The following TEX26 variants were observed in gnomAD, a reference collection of about 807,000 sequenced individuals.
TEX26 encodes the protein testis expressed 26.
TEX26 carries 34 observed loss-of-function variants against 35.3 expected under a neutral mutation model. That is an observed-to-expected ratio of 0.96 (90% CI 0.73 to 1.28). The LOEUF (loss-of-function observed/expected upper bound fraction) is 1.28, where lower values mean the gene tolerates loss of function less well. Ranked by LOEUF, TEX26 falls within the 50% of genes most tolerant of loss-of-function variation. TEX26 has a pLI of 0.00. For synonymous variants in TEX26, 136 were observed against 111.8 expected, an observed-to-expected ratio of 1.22 and a Z score of -1.36; for missense variants, 371 against 330.1, an observed-to-expected ratio of 1.12 and a Z score of -0.96.
intron 1 of TEX26, among the ~76,000 whole-genome samples, chr13:30,937,779 A>C (rs1432744520): frequency 6.6e-6 from 1 of 152,208 alleles, no homozygotes; most frequent in African/African-American, 2.4e-5. Context: ...GGGGCTCTTA[A>C]GTGGAGGTAG....
At chr13:30,968,518 C>G (rs1383989363) in intron 5 of TEX26, among the ~76,000 whole-genome samples, 1 of 152,192 alleles carries the variant, frequency 6.6e-6, no homozygotes, top group Non-Finnish European at 1.5e-5. Flanking sequence ...CAACGTATAT[C>G]AAAGACGTGT....
intron 6 of TEX26, among the ~76,000 whole-genome samples, chr13:30,971,528 G>T (rs958247888): frequency 3.3e-5 from 5 of 152,180 alleles, no homozygotes; most frequent in Non-Finnish European, 5.9e-5. Context: ...GAGAGACGGT[G>T]CGTGTTGGAG....
chr13:30,964,347 G>A (rs1954452434), intron 4 of TEX26, among the ~76,000 whole-genome samples: 1 of 152,200 alleles, frequency 6.6e-6, no homozygotes, highest in Admixed American at 6.5e-5. Context: ...GAGATCCACA[G>A]TTCCAAATGT....
At chr13:30,954,038 G>A (rs1237011418) in intron 3 of TEX26, among the ~76,000 whole-genome samples, 1 of 152,154 alleles carries the variant, frequency 6.6e-6, no homozygotes, top group Non-Finnish European at 1.5e-5. Flanking sequence ...GGACCAGGTT[G>A]GGTGGAGAAG....
chr13:30,966,418 CT>C lies in TEX26; in HGVS notation c.646+25del, dbSNP rs1954532502. The C allele has an allele frequency of 1.8e-6, 2 of 1,092,992 alleles. No individual in the cohort carries two copies. The highest frequency in any genetic ancestry group is 1.3e-6 in the Non-Finnish European group (1 of 794,334). 67.7% of individuals were successfully genotyped at this position (1,092,992 alleles called of 1,614,324 possible). A position where few individuals can be genotyped will look rare whatever the true frequency, so the allele number is the denominator to read the frequency against. On this transcript the variant is annotated intron_variant, in intron 5 of 6. Transcript: ENST00000380473. The stretch of plus-strand genomic sequence containing the variant: ...GTCTAGGTGAGTACAGCTGCAGTTT[CT>C]TTTTCTTTTTCTCTTTTTTTTTTTT...
rs1954627156 is a variant in TEX26 at position 30,968,913 on chromosome 13, G to T, written c.675G>T (p.Arg225Ser). ...CTTCTGTGCTGCACAGCTACCTGAG[G>T]AACCAAGAGCACACAAAGAAACAGA... is the stretch of plus-strand genomic sequence containing the variant. The part of the protein sequence containing the change: ...LVPSVLHSYL[R>S]NQEHTKKQTT... The change falls in exon 6 of 7, where the codon AGG becomes AGT. Residue 225 changes from arginine to serine, a missense_variant. Transcript: ENST00000380473. 6.2e-7 allele frequency: 1 copy of T among 1,613,916 alleles called. No homozygotes were observed. Among genetic ancestry groups the T allele is most frequent in the Non-Finnish European group, 8.5e-7 (1 of 1,179,928 alleles).
At chr13:30,936,340 T>C (rs997190240) in intron 1 of TEX26, among the ~76,000 whole-genome samples, 1 of 152,220 alleles carries the variant, frequency 6.6e-6, no homozygotes, top group Non-Finnish European at 1.5e-5. Context: ...TGACCTGTCA[T>C]TAGCCATCTT....
chr13:30,937,273 C>G (rs560173261), intron 1 of TEX26, among the ~76,000 whole-genome samples: 1 of 152,118 alleles, frequency 6.6e-6, no homozygotes, highest in Non-Finnish European at 1.5e-5. Context: ...CCTAGATGGG[C>G]GGGAACACAG....
intron 1 of TEX26, chr13:30,937,062 A>C (rs2138164762): frequency 1.6e-4 from 145 of 900,622 alleles, no homozygotes; most frequent in South Asian, 3.1e-4. Context: ...ACCAAAGATC[A>C]AGTGTGCATC....
intron 4 of TEX26, among the ~76,000 whole-genome samples, chr13:30,964,174 T>G (rs1157241298): frequency 6.6e-6 from 1 of 152,212 alleles, no homozygotes; most frequent in African/African-American, 2.4e-5. Context: ...TGTAGCACCC[T>G]ATTCAAAGCT....
chr13:30,939,506 G>A (rs563828567), intron 1 of TEX26, among the ~76,000 whole-genome samples, 188 bp from the exon 2 acceptor site: 1 of 152,234 alleles, frequency 6.6e-6, no homozygotes, highest in Non-Finnish European at 1.5e-5. Context: ...TTTATTTTGG[G>A]GTGAAACAGA....
At chr13:30,969,086 T>C in intron 6 of TEX26, 40 bp downstream of exon 6, 1 of 1,537,962 alleles carries the variant, frequency 6.5e-7, no homozygotes, top group South Asian at 1.3e-5. Context: ...CAGATCACAA[T>C]ACATTGCTTT....
At chr13:30,967,373 T>A (rs1854950) in intron 5 of TEX26, among the ~76,000 whole-genome samples, 1 of 152,186 alleles carries the variant, frequency 6.6e-6, no homozygotes, top group South Asian at 2.1e-4. Flanking sequence ...AGTGCCCCTG[T>A]GTATCCACTT....
At chr13:30,968,645 C>G (rs1954618620) in intron 5 of TEX26, among the ~76,000 whole-genome samples, 1 of 152,164 alleles carries the variant, frequency 6.6e-6, no homozygotes, top group Non-Finnish European at 1.5e-5. Flanking sequence ...CCCTTCTGGT[C>G]ATTCTCCGAT....
chr13:30,955,874 A>ACACG (rs1954109235), intron 3 of TEX26, among the ~76,000 whole-genome samples: 1 of 152,072 alleles, frequency 6.6e-6, no homozygotes, highest in African/African-American at 2.4e-5. Context: ...GGTGGCTGGG[A>ACACG]CACGGTTGGT....
At chr13:30,971,642 G>T (rs191611600) in intron 6 of TEX26, among the ~76,000 whole-genome samples, 1 of 152,332 alleles carries the variant, frequency 6.6e-6, no homozygotes, top group East Asian at 1.9e-4. Context: ...CACTAACTCC[G>T]TATGTCACCA....
At chr13:30,947,386 T>A (rs1307938967) in intron 2 of TEX26, among the ~76,000 whole-genome samples, 1 of 152,134 alleles carries the variant, frequency 6.6e-6, no homozygotes, top group Non-Finnish European at 1.5e-5. Context: ...TATATAGAAA[T>A]AAGTAAGTGC....
chr13:30,968,263 AGAG>A (rs1188534930), intron 5 of TEX26, among the ~76,000 whole-genome samples: 2 of 152,204 alleles, frequency 1.3e-5, no homozygotes, highest in Non-Finnish European at 2.9e-5. Context: ...GAGGGGGAGA[AGAG>A]GAGACCTGGC....
intron 2 of TEX26, among the ~76,000 whole-genome samples, chr13:30,940,478 C>T (rs539021237): frequency 6.6e-5 from 10 of 151,658 alleles, no homozygotes; most frequent in South Asian, 2.1e-4. Context: ...GGACTACAGG[C>T]GCCCGCCACC....
Sources: allele counts gnomAD v4.1 joint callset (sites outside exome capture counted in the v4.1 genomes callset), GRCh38; gene constraint gnomAD v4.1.1; transcripts MANE v1.5; gene names NCBI Gene and HGNC (gene_info 2026-07-23, HGNC 2026-07-21).